The following PLPP3 variants were observed in gnomAD, a reference collection of about 807,000 sequenced individuals.
The protein encoded by PLPP3 is PAP2 beta.
In PLPP3, 6 loss-of-function variants were observed where a neutral mutation model predicts 29.6. The observed-to-expected ratio is 0.20, with a 90% CI of 0.11 to 0.40. The LOEUF (loss-of-function observed/expected upper bound fraction) is 0.40, where lower values mean the gene tolerates loss of function less well. Among genes scored for constraint, PLPP3 ranks in the 10% least tolerant of loss-of-function variants. PLPP3 has a pLI of 1.00. For missense variants in PLPP3, 308 were observed against 407.7 expected (o/e 0.76, Z 2.11); for synonymous variants, 152 against 159.7 (o/e 0.95, Z 0.36).
At chr1:56,528,844 T>G (rs1451755179) in intron 2 of PLPP3, among the ~76,000 whole-genome samples, 3 of 148,882 alleles carry the variant, frequency 2.0e-5, no homozygotes, top group Non-Finnish European at 4.4e-5. Context: ...CTAGTATGTA[T>G]TTTTCAGCAG....
intron 1 of PLPP3, among the ~76,000 whole-genome samples, chr1:56,555,446 A>AC (rs1380581882): frequency 6.7e-6 from 1 of 148,246 alleles, no homozygotes; most frequent in African/African-American, 2.5e-5. Flanking sequence ...AAAAAAAAAA[A>AC]AAAAAAAAAA....
chr1:56,543,229 T>C (rs1414703014), intron 1 of PLPP3, among the ~76,000 whole-genome samples: 1 of 152,160 alleles, frequency 6.6e-6, no homozygotes, highest in Non-Finnish European at 1.5e-5. Context: ...TGAAGGAGTT[T>C]AGACTTTAGG....
intron 5 of PLPP3, among the ~76,000 whole-genome samples, chr1:56,498,782 T>C (rs754428375): frequency 6.6e-6 from 1 of 152,032 alleles, no homozygotes; most frequent in South Asian, 2.1e-4. Flanking sequence ...TACAGGCACG[T>C]GCCACTATGC....
chr1:56,512,858 G>C (rs1042936526), intron 4 of PLPP3: 1 of 152,022 alleles, frequency 6.6e-6, no homozygotes, highest in Non-Finnish European at 1.5e-5. Context: ...GCTTGTAAAG[G>C]TTTCTTTTTT....
chr1:56,533,768 A>G (rs935728049), intron 2 of PLPP3, among the ~76,000 whole-genome samples: 3 of 152,248 alleles, frequency 2.0e-5, no homozygotes, highest in Admixed American at 2.0e-4. Context: ...CAATTTATAG[A>G]AAAGCAAAGT....
intron 1 of PLPP3, among the ~76,000 whole-genome samples, chr1:56,551,289 T>TGGTTC (rs1169681447): frequency 1.2e-3 from 186 of 149,124 alleles, no homozygotes; most frequent in African/African-American, 3.4e-3. Context: ...GGGTTTGGTT[T>TGGTTC]GGTTCGGTTC....
intron 1 of PLPP3, among the ~76,000 whole-genome samples, chr1:56,561,269 T>G (rs1646126274): frequency 6.6e-6 from 1 of 152,020 alleles, no homozygotes; most frequent in African/African-American, 2.4e-5. Flanking sequence ...TTAGCACAAA[T>G]TTTGTTTGTT....
intron 1 of PLPP3, among the ~76,000 whole-genome samples, chr1:56,547,067 A>G (rs1235090500): frequency 1.3e-5 from 2 of 152,262 alleles, no homozygotes; most frequent in East Asian, 3.8e-4. Flanking sequence ...AGTTAGGTGC[A>G]TAACAGTAAT....
rs1225164235 is a variant in PLPP3, at chr1:56,537,000, A to C, written c.252T>G (p.Asn84Lys). ...TCCCCACGGCACAGAGCACAGCGTCATTTATTGTCTCACCAGTTTTCAGTG... is the reference window on the plus strand; with the variant it reads ...TCCCCACGGCACAGAGCACAGCGTCCTTTATTGTCTCACCAGTTTTCAGTG... ...KYPLKTGETINDAVLCAVGIV... is the reference protein window; with the variant it reads ...KYPLKTGETIKDAVLCAVGIV... The change falls in exon 2 of 6, where the codon AAT (asparagine) becomes AAG (lysine). Residue 84 changes from asparagine to lysine, a missense_variant. This residue lies in a region of PLPP3 where 232 missense variants were observed against 317.2 expected (regional missense o/e 0.73). Coordinates refer to ENST00000371250, the MANE Select transcript of PLPP3 (RefSeq NM_003713.5). 6.2e-7 allele frequency: 1 copy of C among 1,613,798 alleles called. No individual in the cohort carries two copies. The highest frequency in any genetic ancestry group is 2.2e-5 in the East Asian group (1 of 44,850).
chr1:56,550,880 T>C (rs888440351), intron 1 of PLPP3, among the ~76,000 whole-genome samples: 29 of 152,234 alleles, frequency 1.9e-4, no homozygotes, highest in Non-Finnish European at 3.8e-4. Context: ...TCCCCCTTTG[T>C]GGAAGTGGCC....
chr1:56,562,106 G>A (rs535586274), intron 1 of PLPP3, among the ~76,000 whole-genome samples: 1 of 149,500 alleles, frequency 6.7e-6, no homozygotes, highest in African/African-American at 2.5e-5. Context: ...AGAAAGAATG[G>A]CATGGTAGAA....
rs1271117158 is a variant in PLPP3 at position 56,578,920 on chromosome 1, G to A, written c.97C>T (p.Arg33Trp). The A allele has an allele frequency of 3.1e-6, 5 of 1,603,878 alleles. No individual in the cohort carries two copies. Among genetic ancestry groups the A allele is most frequent in the Non-Finnish European group, 3.4e-6 (4 of 1,176,488 alleles). ...NNNPRRSGSK[R>W]VLLICLDLFC... is the part of the protein sequence containing the mutation. ...AGGTCGAGGCAGATGAGCAGCACCC[G>A]CTTGCTGCCGCTCCTCCTCGGGTTG... The change falls in exon 1 of 6, where the codon CGG becomes TGG. Residue 33 changes from arginine to tryptophan, a missense_variant. Transcript: ENST00000371250.
Position 56,523,803 on chromosome 1 carries a change from A to C in PLPP3, c.633+20T>G, listed in dbSNP as rs1645834817. 1 of 1,609,886 alleles carries C rather than the reference A, an allele frequency of 6.2e-7. No homozygotes were observed. Among genetic ancestry groups the C allele is most frequent in the Non-Finnish European group, 8.5e-7 (1 of 1,176,270 alleles). On this transcript the variant is annotated intron_variant, in intron 4 of 5. Transcript: ENST00000371250. ...GAAGCTGGAACTGAGCACTGCTCAAATCAAAGGGTGGGTACTTACCACCAA... is the reference window on the plus strand; with the variant it reads ...GAAGCTGGAACTGAGCACTGCTCAACTCAAAGGGTGGGTACTTACCACCAA...
At chr1:56,539,691 C>T (rs1006272290) in intron 1 of PLPP3, among the ~76,000 whole-genome samples, 7 of 152,136 alleles carry the variant, frequency 4.6e-5, no homozygotes, top group African/African-American at 7.2e-5. Context: ...AGTGGATAAA[C>T]GTTCTGGCTT....
intron 1 of PLPP3, among the ~76,000 whole-genome samples, chr1:56,560,566 G>A (rs1646114332): frequency 6.6e-6 from 1 of 152,094 alleles, no homozygotes; most frequent in African/African-American, 2.4e-5. Flanking sequence ...TGGAAGGGCA[G>A]AGGGGCTAAA....
rs995172430 is a variant in PLPP3, at chr1:56,496,796, T to A, written c.811-120A>T. 6.1e-6 allele frequency: 6 copies of A among 976,628 alleles called. No individual in the cohort carries two copies. The Admixed American group carries it at 1.3e-4, about 22-fold the overall frequency. The allele number at this position is 976,628 out of a possible 1,614,324, so 60.5% of individuals were successfully genotyped here. ...AAAGGGGCCCCAAATCATAACTCTT[T>A]GAATAGGGAAGGACAACAGAGATCA... On this transcript the variant is annotated intron_variant, in intron 5 of 5. Transcript: ENST00000371250.
At chr1:56,538,539 T>C (rs1645944487) in intron 1 of PLPP3, 1 of 399,494 alleles carries the variant, frequency 2.5e-6, no homozygotes, top group Non-Finnish European at 4.9e-6. Flanking sequence ...TTTGGCCACG[T>C]ATATGAGAAT....
At chr1:56,528,512 A>C (rs1007094348) in intron 2 of PLPP3, among the ~76,000 whole-genome samples, 1 of 152,096 alleles carries the variant, frequency 6.6e-6, no homozygotes, top group Non-Finnish European at 1.5e-5. Flanking sequence ...TAGGCATGTG[A>C]CTTTACCTCT....
At chr1:56,560,280 C>G (rs1271150707) in intron 1 of PLPP3, among the ~76,000 whole-genome samples, 1 of 152,232 alleles carries the variant, frequency 6.6e-6, no homozygotes, top group Non-Finnish European at 1.5e-5. Flanking sequence ...TATTCAGGTG[C>G]TTTTAATTAT....
Sources: allele counts gnomAD v4.1 joint callset (sites outside exome capture counted in the v4.1 genomes callset), GRCh38; gene constraint gnomAD v4.1.1; regional missense constraint gnomAD v4.1.1; transcripts MANE v1.5; gene names NCBI Gene and HGNC (gene_info 2026-07-23, HGNC 2026-07-21).